Variants in PKHD1 observed in about 807,000 individuals in gnomAD.
The protein encoded by PKHD1 is PKHD1 ciliary IPT domain containing fibrocystin/polyductin.
PKHD1 carries 291 observed loss-of-function variants against 412.0 expected under a neutral mutation model. That is an observed-to-expected ratio of 0.71 (90% CI 0.64 to 0.78). PKHD1 has a LOEUF of 0.78. Among genes scored for constraint, PKHD1 ranks in the 30% least tolerant of loss-of-function variants. The probability of loss-of-function intolerance (pLI) is 0.00; values close to 1 mark genes in which losing one functional copy is unlikely to be tolerated. For missense variants in PKHD1, 4,825 were observed against 4,950.7 expected (o/e 0.97, Z 0.76); for synonymous variants, 1,777 against 1,821.5 (o/e 0.98, Z 0.62).
intron 33 of PKHD1, among the ~76,000 whole-genome samples, chr6:52,022,232 A>G (rs1445434413): frequency 6.6e-6 from 1 of 152,216 alleles, no homozygotes; most frequent in Admixed American, 6.5e-5. Flanking sequence ...TAAAGTAGTG[A>G]GCAATTGTGG....
At chr6:51,863,323 C>T (rs541822509) in intron 48 of PKHD1, among the ~76,000 whole-genome samples, 1 of 152,306 alleles carries the variant, frequency 6.6e-6, no homozygotes, top group South Asian at 2.1e-4. Context: ...CCTACAAAAT[C>T]TTGCAAGCTC....
chr6:51,762,648 CAT>C (rs112065290), intron 55 of PKHD1, among the ~76,000 whole-genome samples: 47,080 of 95,476 alleles, frequency 0.49, 9,903 homozygotes, highest in African/African-American at 0.65. Flanking sequence ...CCATTATTCA[CAT>C]ATATATATAT....
rs769645972 is a variant in PKHD1 at position 51,868,082 on chromosome 6, A to C, written c.7514T>G (p.Leu2505Trp). 2 of 1,612,142 alleles carry C rather than the reference A, an allele frequency of 1.2e-6. No homozygotes were observed. Among genetic ancestry groups the C allele is most frequent in the South Asian group, 2.2e-5 (2 of 91,032 alleles). Residue 2505 changes from leucine to tryptophan, a missense_variant, in exon 48 of 67, where the codon TTG (leucine) becomes TGG (tryptophan). Transcript: ENST00000371117. ...QGGFTVKTSQLKFTNSSNLVA... is the reference protein window; with the variant it reads ...QGGFTVKTSQWKFTNSSNLVA... The stretch of plus-strand genomic sequence containing the variant: ...TAAGTTTGAAGAGTTTGTAAACTTC[A>C]ACTGGCTGGTCTTCACAGTAAATCC...
At chr6:52,032,352 A>G (rs1298580251) in intron 29 of PKHD1, among the ~76,000 whole-genome samples, 1 of 152,214 alleles carries the variant, frequency 6.6e-6, no homozygotes, top group Non-Finnish European at 1.5e-5. Flanking sequence ...ATGGAATTAC[A>G]TGATAATAAA....
intron 60 of PKHD1, among the ~76,000 whole-genome samples, chr6:51,712,449 C>A (rs536440346): frequency 6.6e-6 from 1 of 152,162 alleles, no homozygotes; most frequent in East Asian, 1.9e-4. Context: ...TGAATTTAAA[C>A]CATTTCTTGT....
At chr6:51,947,031 G>T (rs1583509508) in intron 36 of PKHD1, among the ~76,000 whole-genome samples, 1 of 152,072 alleles carries the variant, frequency 6.6e-6, no homozygotes, top group African/African-American at 2.4e-5. Flanking sequence ...GTCTTCAAAA[G>T]AGTGGCTATA....
intron 60 of PKHD1, among the ~76,000 whole-genome samples, chr6:51,685,957 C>T (rs537435808): frequency 1.3e-5 from 2 of 152,282 alleles, no homozygotes; most frequent in African/African-American, 4.8e-5. Flanking sequence ...AACTTACCTG[C>T]TGTCTAACCC....
chr6:52,044,783 T>G (rs749218578), intron 25 of PKHD1, among the ~76,000 whole-genome samples, 183 bp downstream of exon 25: 1 of 152,224 alleles, frequency 6.6e-6, no homozygotes, highest in Non-Finnish European at 1.5e-5. Context: ...AAGGCATTTA[T>G]ATTTTCAGGG....
intron 60 of PKHD1, among the ~76,000 whole-genome samples, chr6:51,691,275 T>C (rs372359949): frequency 9.2e-5 from 14 of 152,264 alleles, no homozygotes; most frequent in Non-Finnish European, 1.6e-4. Flanking sequence ...AAGACAGAAA[T>C]ACCATTTGAC....
chr6:51,760,345 A>T (rs2151056422), intron 55 of PKHD1, among the ~76,000 whole-genome samples: 1 of 152,224 alleles, frequency 6.6e-6, no homozygotes, highest in South Asian at 2.1e-4. Context: ...AACAATAACA[A>T]AAATATATCT....
intron 60 of PKHD1, among the ~76,000 whole-genome samples, chr6:51,689,711 T>C (rs1366110370): frequency 6.6e-6 from 1 of 152,040 alleles, no homozygotes; most frequent in African/African-American, 2.4e-5. Flanking sequence ...ACAGAGAAGC[T>C]GAAAGCCAAA....
chr6:51,889,084 G>A (rs1284075854), intron 43 of PKHD1, among the ~76,000 whole-genome samples: 2 of 152,008 alleles, frequency 1.3e-5, no homozygotes, highest in African/African-American at 4.8e-5. Context: ...CATAGATGAA[G>A]GGAGTCTCCA....
chr6:51,793,832 G>A (rs565680216), intron 52 of PKHD1, among the ~76,000 whole-genome samples: 16 of 152,210 alleles, frequency 1.1e-4, no homozygotes, highest in Non-Finnish European at 2.1e-4. Flanking sequence ...TGCAATGAAC[G>A]TATGCGTGCA....
At chr6:51,842,772 C>T (rs147001186) in intron 50 of PKHD1, among the ~76,000 whole-genome samples, 9 of 152,334 alleles carry the variant, frequency 5.9e-5, no homozygotes, top group African/African-American at 2.2e-4. Flanking sequence ...TATACGCTCC[C>T]TCTGATGCTT....
intron 59 of PKHD1, among the ~76,000 whole-genome samples, chr6:51,745,138 G>A (rs894282996): frequency 6.6e-6 from 1 of 152,010 alleles, no homozygotes; most frequent in Admixed American, 6.6e-5. Flanking sequence ...AATACCATTA[G>A]TAATAATATT....
intron 51 of PKHD1, among the ~76,000 whole-genome samples, chr6:51,833,102 C>T (rs1340330206): frequency 6.6e-6 from 1 of 152,124 alleles, no homozygotes; most frequent in Non-Finnish European, 1.5e-5. Flanking sequence ...CCCTAGCTTG[C>T]CCCACAAAGT....
In PKHD1 at chr6:51,933,354, GA is replaced by G. The variant is rs1325690242; in HGVS notation, c.6121+755del. Among the ~76,000 whole-genome samples, 4 of 152,274 alleles carry G rather than the reference GA, an allele frequency of 2.6e-5. No individual in the cohort carries two copies. In the East Asian group the frequency reaches 5.8e-4, roughly 22 times the overall value. ...TAAACACCCCACCTATCTGTAAGAG[GA>G]TTCTAAGTAGAACTGTAATTAAACC... On this transcript the variant is annotated intron_variant, in intron 37 of 66. Transcript: ENST00000371117.
At chr6:51,845,201 T>A (rs1361876169) in intron 50 of PKHD1, among the ~76,000 whole-genome samples, 1 of 152,220 alleles carries the variant, frequency 6.6e-6, no homozygotes, top group Non-Finnish European at 1.5e-5. Flanking sequence ...GGAAGCCTAA[T>A]CACCACCTTG....
At position 51,856,955 on chromosome 6, in the gene PKHD1, C is replaced by G. The variant is rs76295921; in HGVS notation, c.7734-885G>C. 9.5e-3 allele frequency among the ~76,000 whole-genome samples: 1,453 copies of G among 152,216 alleles called. 24 individuals are homozygous for G. The highest frequency in any genetic ancestry group is 0.032 in the African/African-American group (1,341 of 41,516). The stretch of plus-strand genomic sequence containing the variant: ...GACATTTTCTAATGTATATAAAGTT[C>G]TATATATAGAACGTATAAAAACGTT... On this transcript the variant is annotated intron_variant, in intron 48 of 66. Coordinates refer to ENST00000371117, the MANE Select transcript of PKHD1 (RefSeq NM_138694.4).
Sources: allele counts gnomAD v4.1 joint callset (sites outside exome capture counted in the v4.1 genomes callset), GRCh38; gene constraint gnomAD v4.1.1; transcripts MANE v1.5; gene names NCBI Gene and HGNC (gene_info 2026-07-23, HGNC 2026-07-21).